PSMD5: variants seen among roughly 807,000 people sequenced by gnomAD.
PSMD5 encodes the protein 26S proteasome non-ATPase regulatory subunit 5.
In PSMD5, 40 loss-of-function variants were observed where a neutral mutation model predicts 52.1. That is an observed-to-expected ratio of 0.77 (90% CI 0.60 to 1.00). PSMD5 has a LOEUF of 1.00. PSMD5 is among the 50% of genes least tolerant of loss of function. The pLI, the probability that PSMD5 is intolerant of heterozygous loss-of-function variation, is 0.00. For synonymous variants in PSMD5, 211 were observed against 226.6 expected (o/e 0.93, Z 0.62); for missense variants, 575 against 605.2 (o/e 0.95, Z 0.52).
chr9:120,836,262 G>A (rs2045197321), intron 1 of PSMD5, among the ~76,000 whole-genome samples: 1 of 152,150 alleles, frequency 6.6e-6, no homozygotes, highest in Non-Finnish European at 1.5e-5. Flanking sequence ...GGTTGCACAT[G>A]TGGGTTGCAT....
chr9:120,821,319 A>G, intron 8 of PSMD5, 36 bp downstream of exon 8: 1 of 1,325,064 alleles, frequency 7.5e-7, no homozygotes, highest in Non-Finnish European at 1.1e-6. Flanking sequence ...TCCCAAACAT[A>G]TCCCACTGTC....
At chr9:120,818,920 G>C (rs568018774) in intron 9 of PSMD5, among the ~76,000 whole-genome samples, 7 of 152,152 alleles carry the variant, frequency 4.6e-5, no homozygotes, top group Non-Finnish European at 8.8e-5. Context: ...TATGGGCCCT[G>C]ACTTTGTGAT....
rs576304471 is a variant in PSMD5 at position 120,819,613 on chromosome 9, T to C, written c.1257+1226A>G. On this transcript the variant is annotated intron_variant, in intron 9 of 9. Transcript: ENST00000210313. ...ACTCTGGGAGGCCGAGGCGGGCGGA[T>C]CACAAGGTCAGGAGATCGAGACCAT... Among the ~76,000 whole-genome samples, 844 of 152,268 alleles carry C rather than the reference T, an allele frequency of 5.5e-3. 9 individuals carry two copies. The highest frequency in any genetic ancestry group is 0.018 in the African/African-American group (765 of 41,550).
At chr9:120,829,068 A>T (rs1368240085) in intron 5 of PSMD5, 31 bp downstream of exon 5, 2 of 1,533,804 alleles carry the variant, frequency 1.3e-6, no homozygotes, top group Non-Finnish European at 1.8e-6. Flanking sequence ...TCAAAAGAGG[A>T]TATTTCACTT....
chr9:120,819,763 G>A (rs931040631), intron 9 of PSMD5, among the ~76,000 whole-genome samples: 2 of 152,192 alleles, frequency 1.3e-5, no homozygotes, highest in African/African-American at 4.8e-5. Flanking sequence ...GTGAACCCGG[G>A]AGGTGGTGCT....
chr9:120,831,469 A>G lies in PSMD5; in HGVS notation c.433-10T>C, dbSNP rs758712171. On this transcript the variant is annotated splice_polypyrimidine_tract_variant and intron_variant, in intron 3 of 9. Transcript: ENST00000210313. Reference sequence around the variant, plus strand: ...ACAGGGATTTGATAGCCTTATAACGAAAGAAAATATCTCTTACATTCCCAA... The same window carrying G: ...ACAGGGATTTGATAGCCTTATAACGGAAGAAAATATCTCTTACATTCCCAA... 36 of 1,592,772 alleles carry G rather than the reference A, an allele frequency of 2.3e-5. No homozygotes were observed. Among genetic ancestry groups the G allele is most frequent in the Admixed American group, 7.3e-5 (4 of 54,448 alleles).
At chr9:120,825,939 A>T (rs1385366766) in intron 6 of PSMD5, among the ~76,000 whole-genome samples, 1 of 150,592 alleles carries the variant, frequency 6.6e-6, no homozygotes, top group Non-Finnish European at 1.5e-5. Flanking sequence ...TCTGGCTATA[A>T]CTTCTTGTAC....
rs2045057858 is a variant in PSMD5, at chr9:120,818,097, C to T, written c.1324G>A (p.Val442Met). ...TTGTCATGCTCCACAGACCGGTCCA[C>T]CACATATTCTACAAAACCTGGACTG... Reference protein sequence around the residue: ...FNSPGFVEYVVDRSVEHDKAS... With the variant: ...FNSPGFVEYVMDRSVEHDKAS... The change falls in exon 10 of 10, where the codon GTG becomes ATG. Residue 442 changes from valine (V) to methionine (M), a missense_variant. Physicochemically the swap from Val to Met is conservative, Grantham distance 21. Coordinates refer to ENST00000210313, the MANE Select transcript of PSMD5 (RefSeq NM_005047.4). The T allele has an allele frequency of 6.2e-7, 1 of 1,614,068 alleles. No homozygotes were observed. Among genetic ancestry groups the T allele is most frequent in the Admixed American group, 1.7e-5 (1 of 60,004 alleles).
intron 4 of PSMD5, among the ~76,000 whole-genome samples, chr9:120,830,665 T>C (rs2045153392): frequency 6.6e-6 from 1 of 152,202 alleles, no homozygotes; most frequent in Non-Finnish European, 1.5e-5. Flanking sequence ...ACATGCACCC[T>C]ATTAACTGTG....
Position 120,826,820 on chromosome 9 carries a change from A to T in PSMD5, c.759T>A (p.Ile253=). The T allele has an allele frequency of 6.2e-7, 1 of 1,613,576 alleles. No individual in the cohort carries two copies. Among genetic ancestry groups the T allele is most frequent in the Non-Finnish European group, 8.5e-7 (1 of 1,179,532 alleles). The change falls in exon 6 of 10, where the codon ATT becomes ATA. Residue 253 remains isoleucine, a synonymous_variant. Transcript: ENST00000210313. ...AATCTGCCCCAACAATTATATTAGA[A>T]ATTTGGTCAATTACTCCTTCTTGAG... ...YLAQEGVIDQ[I]SNIIVGADSD... is the part of the protein sequence containing the mutation.
chr9:120,829,848 GTCAT>G (rs2045148179), intron 4 of PSMD5, among the ~76,000 whole-genome samples: 1 of 152,198 alleles, frequency 6.6e-6, no homozygotes. Flanking sequence ...CAGTCAGTCA[GTCAT>G]TCACTCACTC....
chr9:120,831,582 T>G, intron 3 of PSMD5, 123 bp from the exon 4 acceptor site: 1 of 1,270,034 alleles, frequency 7.9e-7, no homozygotes, highest in Non-Finnish European at 1.1e-6. Flanking sequence ...TATTTATAAT[T>G]GGAAAAGACG....
chr9:120,838,162 T>C (rs1462567495), intron 1 of PSMD5, among the ~76,000 whole-genome samples: 1 of 152,056 alleles, frequency 6.6e-6, no homozygotes, highest in Non-Finnish European at 1.5e-5. Flanking sequence ...CCTCTGGGAG[T>C]GAAAGATACA....
chr9:120,831,628 A>G, intron 3 of PSMD5, 169 bp from the exon 4 acceptor site: 1 of 1,067,392 alleles, frequency 9.4e-7, no homozygotes, highest in Non-Finnish European at 1.3e-6. Context: ...TGGATACTGT[A>G]GATATGTATA....
At chr9:120,840,181 G>A (rs1263534708) in intron 1 of PSMD5, among the ~76,000 whole-genome samples, 1 of 149,346 alleles carries the variant, frequency 6.7e-6, no homozygotes, top group Non-Finnish European at 1.5e-5. Context: ...CTGGAGTGCA[G>A]TGGTGCAATC....
rs554315506 is a variant in PSMD5, at chr9:120,816,681, G to A, written c.*1225C>T. The stretch of plus-strand genomic sequence containing the variant: ...ATGCTCATGCATAAACCTCTGAACA[G>A]GTGATTTGGTGTGCAGAGTGCTTTG... On this transcript the variant is annotated 3_prime_UTR_variant, in exon 10 of 10. Coordinates refer to ENST00000210313, the MANE Select transcript of PSMD5 (RefSeq NM_005047.4). 6.6e-6 allele frequency: 1 copy of A among 152,336 alleles called. No homozygotes were observed. The highest frequency in any genetic ancestry group is 6.5e-5 in the Admixed American group (1 of 15,298). The allele number at this position is 152,336 out of a possible 1,614,324, so 9.4% of individuals were successfully genotyped here. A position where few individuals can be genotyped will look rare whatever the true frequency, so the allele number is the denominator to read the frequency against.
intron 1 of PSMD5, chr9:120,842,504 G>A (rs2045247127): frequency 3.4e-6 from 2 of 582,984 alleles, no homozygotes; most frequent in Non-Finnish European, 6.1e-6. Context: ...GTGCCTCACT[G>A]CTCAGAGGCA....
intron 6 of PSMD5, among the ~76,000 whole-genome samples, chr9:120,825,369 G>C (rs2045115149): frequency 6.6e-6 from 1 of 152,006 alleles, no homozygotes; most frequent in Non-Finnish European, 1.5e-5. Flanking sequence ...ACTTTTAACT[G>C]ACAAAAAATC....
In PSMD5 at chr9:120,829,313, T is replaced by C. The variant is rs573934355; in HGVS notation, c.562-105A>G. 630 of 1,263,218 alleles carry C rather than the reference T, an allele frequency of 5.0e-4. 8 individuals carry two copies. The African/African-American group carries it at 8.8e-3, about 18-fold the overall frequency. 78.3% of individuals were successfully genotyped at this position (1,263,218 alleles called of 1,614,324 possible). On this transcript the variant is annotated intron_variant, in intron 4 of 9. Transcript: ENST00000210313. ...TGTAGGACTAGGTACTTTTTATAAA[T>C]GAGTTTTAAAAAATCCATTATTTGT...
Sources: allele counts gnomAD v4.1 joint callset (sites outside exome capture counted in the v4.1 genomes callset), GRCh38; gene constraint gnomAD v4.1.1; transcripts MANE v1.5; gene names NCBI Gene and HGNC (gene_info 2026-07-23, HGNC 2026-07-21).